Variants in CIMAP3 observed in about 807,000 individuals in gnomAD.
CIMAP3 encodes the protein ciliary microtubule associated protein 3, also known as ciliary microtubule-associated protein 3.
At chr1:111,349,366 T>G in the CIMAP3 span, 1 of 152,326 alleles carries the variant, frequency 6.6e-6, no homozygotes. Context: ...AGTGAGCAAG[T>G]AGGAAATGAG....
chr1:111,351,194 TG>T, the CIMAP3 span: 2 of 710,254 alleles, frequency 2.8e-6, no homozygotes, highest in Non-Finnish European at 4.8e-6. Context: ...TTTGCATAAC[TG>T]GGAAGACCAG....
At chr1:111,329,032 AGG>A in the CIMAP3 span, among the ~76,000 whole-genome samples, 1 of 152,190 alleles carries the variant, frequency 6.6e-6, no homozygotes. Flanking sequence ...ATCTCTTGTA[AGG>A]CAGACCTGGT....
At chr1:111,335,529 CAG>C in the CIMAP3 span, among the ~76,000 whole-genome samples, 4 of 152,226 alleles carry the variant, frequency 2.6e-5, no homozygotes, top group Non-Finnish European at 4.4e-5. Context: ...GCTTAAAAAA[CAG>C]CGCACCAGGA....
the CIMAP3 span, chr1:111,347,844 C>G: frequency 9.2e-7 from 1 of 1,084,494 alleles, no homozygotes; most frequent in Non-Finnish European, 1.4e-6. Flanking sequence ...GGGCAGAGAG[C>G]AAGAGGGGGG....
At chr1:111,341,340 C>T in the CIMAP3 span, among the ~76,000 whole-genome samples, 3 of 151,764 alleles carry the variant, frequency 2.0e-5, no homozygotes, top group Admixed American at 6.6e-5. Flanking sequence ...CACATGTACC[C>T]TAAAACTTAA....
the CIMAP3 span, among the ~76,000 whole-genome samples, chr1:111,335,128 A>G: frequency 4.4e-5 from 2 of 45,110 alleles, no homozygotes; most frequent in Admixed American, 3.0e-4. Flanking sequence ...TCTCTGTCTC[A>G]AAAAAAAAAA....
At chr1:111,324,895 C>T in the CIMAP3 span, 2 of 981,332 alleles carry the variant, frequency 2.0e-6, no homozygotes, top group East Asian at 1.1e-4. Flanking sequence ...TAATGGTAAT[C>T]ATGTTCTTGG....
chr1:111,346,428 G>A, the CIMAP3 span: 1 of 555,770 alleles, frequency 1.8e-6, no homozygotes, highest in Non-Finnish European at 3.1e-6. Context: ...CGCGAATCCA[G>A]GAAACCCTCT....
chr1:111,347,074 G>A, the CIMAP3 span: 1 of 1,578,316 alleles, frequency 6.3e-7, no homozygotes, highest in Non-Finnish European at 8.6e-7. Context: ...CCCCTTAGAT[G>A]CTCCTCAGTT....
At chr1:111,347,211 A>C in the CIMAP3 span, among the ~76,000 whole-genome samples, 1 of 152,192 alleles carries the variant, frequency 6.6e-6, no homozygotes. Flanking sequence ...GTTTCAGCCA[A>C]TGCCAGAGAT....
At chr1:111,351,334 G>GT in the CIMAP3 span, 1 of 1,567,024 alleles carries the variant, frequency 6.4e-7, no homozygotes, top group South Asian at 1.2e-5. Context: ...TTGAGCGGCT[G>GT]TAACTACCTT....
At chr1:111,343,605 T>A in the CIMAP3 span, among the ~76,000 whole-genome samples, 1,203 of 152,350 alleles carry the variant, frequency 7.9e-3, 15 homozygotes, top group African/African-American at 0.027. Context: ...CTTTTGGCAA[T>A]TCTTAGAGCT....
chr1:111,348,312 A>G, the CIMAP3 span: 1 of 441,836 alleles, frequency 2.3e-6, no homozygotes, highest in Admixed American at 4.0e-5. Context: ...TACAACCTAT[A>G]TATTACGTAT....
the CIMAP3 span, chr1:111,350,059 T>A: frequency 8.2e-6 from 12 of 1,466,236 alleles, no homozygotes; most frequent in Non-Finnish European, 1.1e-5. Context: ...GGAGTTTGTG[T>A]ATGATCACTA....
At chr1:111,327,625 G>A in the CIMAP3 span, among the ~76,000 whole-genome samples, 821 of 152,098 alleles carry the variant, frequency 5.4e-3, 5 homozygotes, top group Non-Finnish European at 9.4e-3. Flanking sequence ...TCTCTTCTAA[G>A]TTGTCTAGTT....
At chr1:111,341,708 G>C in the CIMAP3 span, among the ~76,000 whole-genome samples, 1 of 152,162 alleles carries the variant, frequency 6.6e-6, no homozygotes, top group African/African-American at 2.4e-5. Flanking sequence ...TTAATCCCGC[G>C]TAGTCAGGCC....
chr1:111,341,164 A>G, the CIMAP3 span, among the ~76,000 whole-genome samples: 11 of 147,666 alleles, frequency 7.4e-5, no homozygotes, highest in Admixed American at 6.9e-4. Flanking sequence ...CAATGAGAAC[A>G]TATGGACACA....
the CIMAP3 span, among the ~76,000 whole-genome samples, chr1:111,328,673 T>C: frequency 1.3e-5 from 2 of 152,340 alleles, no homozygotes; most frequent in Non-Finnish European, 2.9e-5. Context: ...AGGCAACTCC[T>C]CCTTTTTTCT....
the CIMAP3 span, chr1:111,350,067 C>T: frequency 9.6e-5 from 147 of 1,532,128 alleles, no homozygotes; most frequent in Middle Eastern, 1.0e-3. Context: ...TGTATGATCA[C>T]TAACTCATTA....
Sources: gnomAD v4.1 joint callset for allele counts (sites outside exome capture counted in the v4.1 genomes callset) on GRCh38, gnomAD v4.1.1 for gene constraint, MANE v1.5 for transcripts, NCBI Gene and HGNC (gene_info 2026-07-23, HGNC 2026-07-21) for gene names.